FHIP2A: variants seen among roughly 807,000 people sequenced by gnomAD.
FHIP2A encodes the protein family with sequence similarity 160 member B1.
In FHIP2A, 46 loss-of-function variants were observed where a neutral mutation model predicts 93.5. The ratio of observed to expected loss-of-function variants is 0.49; its 90% CI spans 0.39 to 0.63. FHIP2A has a LOEUF of 0.63. Among genes scored for constraint, FHIP2A ranks in the 20% least tolerant of loss-of-function variants. The pLI is 0.00. For missense variants in FHIP2A, 769 were observed against 909.7 expected (o/e 0.85, Z 1.99); for synonymous variants, 332 against 326.5 (o/e 1.02, Z -0.18).
chr10:114,833,562 A>G, intron 3 of FHIP2A, 160 bp downstream of exon 3: 1 of 636,714 alleles, frequency 1.6e-6, no homozygotes, highest in East Asian at 2.8e-5. Context: ...GCCTATACAA[A>G]TATGTCCATA....
chr10:114,864,703 G>T lies in FHIP2A; in HGVS notation c.*3163G>T. 1 of 983,754 alleles carries T rather than the reference G, an allele frequency of 1.0e-6. No homozygotes were observed. The highest frequency in any genetic ancestry group is 1.2e-6 in the Non-Finnish European group (1 of 828,444). The allele number at this position is 983,754 out of a possible 1,614,324, so 60.9% of individuals were successfully genotyped here. On this transcript the variant is annotated 3_prime_UTR_variant, in exon 17 of 17. Coordinates refer to ENST00000369248, the MANE Select transcript of FHIP2A (RefSeq NM_020940.4). ...AGGGATGATCTAAAAAATAAATAATGTAATTTAAACAAAACGTCTTATGTT... is the reference window on the plus strand; with the variant it reads ...AGGGATGATCTAAAAAATAAATAATTTAATTTAAACAAAACGTCTTATGTT...
intron 16 of FHIP2A, among the ~76,000 whole-genome samples, chr10:114,897,537 AT>A (rs1360266709): frequency 1.3e-5 from 2 of 152,240 alleles, no homozygotes; most frequent in Non-Finnish European, 2.9e-5. Context: ...TTATAAAAAT[AT>A]TCTTTTCTCT....
intron 2 of FHIP2A, among the ~76,000 whole-genome samples, chr10:114,832,501 AG>A (rs1422538071): frequency 1.3e-5 from 2 of 152,144 alleles, no homozygotes; most frequent in African/African-American, 4.8e-5. Flanking sequence ...TTCATGTTCA[AG>A]GCCAACCTAT....
At chr10:114,899,555 T>C (rs1197687932) in exon 17 of FHIP2A, 2 of 717,818 alleles carry the variant, frequency 2.8e-6, no homozygotes, top group Admixed American at 4.0e-5. Flanking sequence ...AGCTTCAAGC[T>C]CAGCCAAAAG....
chr10:114,848,909 G>A (rs746966148), intron 13 of FHIP2A, among the ~76,000 whole-genome samples, 172 bp downstream of exon 13: 13 of 151,888 alleles, frequency 8.6e-5, no homozygotes, highest in Non-Finnish European at 1.5e-4. Context: ...TTGGGAGGCC[G>A]AAGCGGATGG....
chr10:114,882,486 T>C (rs919508264), intron 16 of FHIP2A, among the ~76,000 whole-genome samples: 2 of 152,116 alleles, frequency 1.3e-5, no homozygotes, highest in Admixed American at 6.5e-5. Flanking sequence ...TTCCAAGAAG[T>C]GCTAGGCAGT....
At chr10:114,851,714 CAAAAAAAAAAA>C in intron 13 of FHIP2A, among the ~76,000 whole-genome samples, 1 of 81,942 alleles carries the variant, frequency 1.2e-5, no homozygotes, top group South Asian at 6.0e-4. Flanking sequence ...TCCATTTCTG[CAAAAAAAAAAA>C]AAAAAAAAAA....
intron 1 of FHIP2A, among the ~76,000 whole-genome samples, chr10:114,827,818 G>A (rs182204965): frequency 1.2e-4 from 17 of 141,104 alleles, no homozygotes; most frequent in African/African-American, 3.7e-4. Context: ...AAAAAAAAGA[G>A]TATCAAGGCA....
chr10:114,879,506 A>T (rs1335967853), intron 16 of FHIP2A, among the ~76,000 whole-genome samples: 2 of 152,202 alleles, frequency 1.3e-5, no homozygotes, highest in Non-Finnish European at 2.9e-5. Flanking sequence ...AAAGGTAATG[A>T]TGCAGGAAAA....
intron 13 of FHIP2A, among the ~76,000 whole-genome samples, chr10:114,852,234 CCT>C (rs1165754486): frequency 6.6e-6 from 1 of 152,018 alleles, no homozygotes; most frequent in Non-Finnish European, 1.5e-5. Context: ...TATCAATGGC[CCT>C]CTTTTCTATC....
intron 16 of FHIP2A, among the ~76,000 whole-genome samples, chr10:114,893,470 T>C (rs796428722): frequency 1.4e-4 from 21 of 152,342 alleles, no homozygotes; most frequent in African/African-American, 5.1e-4. Context: ...AGCTTCTGAA[T>C]GCCAACCAAT....
intron 16 of FHIP2A, among the ~76,000 whole-genome samples, chr10:114,897,447 A>G (rs879535501): frequency 6.6e-6 from 1 of 152,198 alleles, no homozygotes; most frequent in Non-Finnish European, 1.5e-5. Context: ...GTATGTTCAA[A>G]TGCTATTTCT....
chr10:114,872,229 G>C (rs1205462571), intron 16 of FHIP2A, among the ~76,000 whole-genome samples: 1 of 152,008 alleles, frequency 6.6e-6, no homozygotes, highest in East Asian at 1.9e-4. Flanking sequence ...CTGTCAGAGA[G>C]GCCTTGGGTT....
chr10:114,839,754 T>G (rs1245549873), intron 5 of FHIP2A, among the ~76,000 whole-genome samples: 1 of 151,704 alleles, frequency 6.6e-6, no homozygotes, highest in Non-Finnish European at 1.5e-5. Context: ...TGGTGGCCCA[T>G]GCCTATAGTC....
At chr10:114,844,515 T>C (rs1158325574) in intron 7 of FHIP2A, among the ~76,000 whole-genome samples, 1 of 152,230 alleles carries the variant, frequency 6.6e-6, no homozygotes, top group Non-Finnish European at 1.5e-5. Flanking sequence ...TCTGTATTTT[T>C]AACGTGTCTT....
rs1218782555 is a variant in FHIP2A at position 114,863,705 on chromosome 10, T to C, written c.*2165T>C. 3 of 1,301,222 alleles carry C rather than the reference T, an allele frequency of 2.3e-6. No homozygotes were observed. The highest frequency in any genetic ancestry group is 4.7e-5 in the Admixed American group (2 of 42,796). The allele number at this position is 1,301,222 out of a possible 1,614,324, so 80.6% of individuals were successfully genotyped here. A position where few individuals can be genotyped will look rare whatever the true frequency, so the allele number is the denominator to read the frequency against. On this transcript the variant is annotated 3_prime_UTR_variant, in exon 17 of 17. Coordinates refer to ENST00000369248, the MANE Select transcript of FHIP2A (RefSeq NM_020940.4). ...GTGAGTTCAATTTGTTAGTGAAACATTGTACTGCATCACCAGTTTTTCTTA... is the reference window on the plus strand; with the variant it reads ...GTGAGTTCAATTTGTTAGTGAAACACTGTACTGCATCACCAGTTTTTCTTA...
chr10:114,825,418 C>T (rs750139235), intron 1 of FHIP2A, among the ~76,000 whole-genome samples: 14 of 152,312 alleles, frequency 9.2e-5, no homozygotes, highest in Non-Finnish European at 2.1e-4. Context: ...GGTTTCTCCT[C>T]ACTCCCTGGC....
At chr10:114,831,999 A>G (rs987673605) in intron 2 of FHIP2A, among the ~76,000 whole-genome samples, 2 of 152,238 alleles carry the variant, frequency 1.3e-5, no homozygotes, top group African/African-American at 4.8e-5. Flanking sequence ...ACAAAGCAGC[A>G]TATCAGTACA....
intron 16 of FHIP2A, among the ~76,000 whole-genome samples, chr10:114,894,789 T>C (rs1297907519): frequency 1.5e-5 from 2 of 136,114 alleles, no homozygotes; most frequent in East Asian, 3.9e-4. Flanking sequence ...GTCTATAAAA[T>C]ACAACAAAAA....
Sources: gnomAD v4.1 joint callset for allele counts (sites outside exome capture counted in the v4.1 genomes callset) on GRCh38, gnomAD v4.1.1 for gene constraint, MANE v1.5 for transcripts, NCBI Gene and HGNC (gene_info 2026-07-23, HGNC 2026-07-21) for gene names.